Variants in SLC25A19 observed in about 807,000 individuals in gnomAD.
The protein encoded by SLC25A19 is solute carrier family 25 member 19.
In SLC25A19, 18 loss-of-function variants were observed where a neutral mutation model predicts 27.9. That is an observed-to-expected ratio of 0.64 (90% CI 0.45 to 0.96). The LOEUF is 0.96. Ranked by LOEUF, SLC25A19 falls within the 40% of genes least tolerant of loss-of-function variation. The pLI is 0.00. For missense variants in SLC25A19, 371 were observed against 418.3 expected (o/e 0.89, Z 0.99); for synonymous variants, 169 against 167.1 (o/e 1.01, Z -0.09).
At chr17:75,283,028 A>G (rs911528741) in intron 5 of SLC25A19, among the ~76,000 whole-genome samples, 1 of 149,060 alleles carries the variant, frequency 6.7e-6, no homozygotes, top group African/African-American at 2.5e-5. Context: ...GGCCGGGCGC[A>G]GTGGCTCATG....
At chr17:75,281,882 G>A (rs1211003048) in intron 5 of SLC25A19, among the ~76,000 whole-genome samples, 5 of 152,128 alleles carry the variant, frequency 3.3e-5, no homozygotes, top group South Asian at 2.1e-4. Context: ...AGAGCACCCC[G>A]CACAGTGCTG....
rs2077942802 is a variant in SLC25A19 at position 75,278,192 on chromosome 17, G to T, written c.603C>A (p.His201Gln). 6.2e-7 allele frequency: 1 copy of T among 1,613,866 alleles called. No homozygotes were observed. Among genetic ancestry groups the T allele is most frequent in the Non-Finnish European group, 8.5e-7 (1 of 1,180,040 alleles). ...LQFSCYSSLK[H>Q]LYKWAIPAEG... ...CGGCTGGTATGGCCCACTTGTACAGGTGCTTCAAGGAGCTGTAGCAAGAGA... is the reference window on the plus strand; with the variant it reads ...CGGCTGGTATGGCCCACTTGTACAGTTGCTTCAAGGAGCTGTAGCAAGAGA... The change falls in exon 6 of 8, where the codon CAC (histidine) becomes CAA (glutamine). Residue 201 changes from histidine to glutamine, a missense_variant. Transcript: ENST00000416858.
Position 75,273,073 on chromosome 17 carries a change from C to T in SLC25A19, c.*378G>A, listed in dbSNP as rs541911861. On this transcript the variant is annotated 3_prime_UTR_variant, in exon 8 of 8. Coordinates refer to ENST00000416858, the MANE Select transcript of SLC25A19 (RefSeq NM_001126121.2). ...GACCTGACTCCTGCAAAGGGCCTAC[C>T]GCAGCCCTCTGCACTCAAGCAGCAG... 2.9e-5 allele frequency: 10 copies of T among 344,916 alleles called. No homozygotes were observed. The highest frequency in any genetic ancestry group is 8.2e-5 in the Admixed American group (2 of 24,254). 21.4% of individuals were successfully genotyped at this position (344,916 alleles called of 1,614,324 possible). A position where few individuals can be genotyped will look rare whatever the true frequency, so the allele number is the denominator to read the frequency against.
intron 5 of SLC25A19, among the ~76,000 whole-genome samples, chr17:75,281,713 A>C (rs780151226): frequency 3.3e-4 from 50 of 151,302 alleles, no homozygotes; most frequent in Non-Finnish European, 6.0e-4. Flanking sequence ...AACCAACCAA[A>C]CAAACAAAAA....
chr17:75,278,378 T>C (rs1297614888), intron 5 of SLC25A19, 43 bp from the exon 6 acceptor site: 31 of 1,611,406 alleles, frequency 1.9e-5, no homozygotes, highest in Non-Finnish European at 2.5e-5. Context: ...GTGAAGTGGT[T>C]TTAGCCCTGG....
intron 4 of SLC25A19, among the ~76,000 whole-genome samples, chr17:75,284,920 C>T (rs145878613): frequency 0.014 from 2,163 of 150,884 alleles, 24 homozygotes; most frequent in Non-Finnish European, 0.024. Flanking sequence ...TGAGATTACA[C>T]ACATGAGCCA....
chr17:75,283,001 TA>T (rs1309302691), intron 5 of SLC25A19, among the ~76,000 whole-genome samples: 1 of 110,300 alleles, frequency 9.1e-6, no homozygotes, highest in Non-Finnish European at 1.9e-5. Flanking sequence ...AATAAATAAA[TA>T]AATAAATAAA....
chr17:75,276,855 T>C (rs1415715575), intron 7 of SLC25A19, among the ~76,000 whole-genome samples: 1 of 150,540 alleles, frequency 6.6e-6, no homozygotes. Context: ...TTTTGTTTTT[T>C]TTTTTTTTTA....
Position 75,273,127 on chromosome 17 carries a change from TCTC to T in SLC25A19, c.*321_*323del, listed in dbSNP as rs2077768348. ...CATCCAGACCAGGAGTGTGTTCTGT[TCTC>T]CTGGCAGGCAGGGCTGATAGGTGTA... On this transcript the variant is annotated 3_prime_UTR_variant, in exon 8 of 8. Coordinates refer to ENST00000416858, the MANE Select transcript of SLC25A19 (RefSeq NM_001126121.2). The T allele has an allele frequency of 5.0e-6, 2 of 397,458 alleles. No homozygotes were observed. The highest frequency in any genetic ancestry group is 1.1e-4 in the East Asian group (2 of 17,662). 24.6% of individuals were successfully genotyped at this position (397,458 alleles called of 1,614,324 possible).
In SLC25A19 at chr17:75,273,291, G is replaced by A. The variant is rs1455660314; in HGVS notation, c.*160C>T. 1 of 699,122 alleles carries A rather than the reference G, an allele frequency of 1.4e-6. No individual in the cohort carries two copies. Among genetic ancestry groups the A allele is most frequent in the Non-Finnish European group, 2.4e-6 (1 of 409,510 alleles). 43.3% of individuals were successfully genotyped at this position (699,122 alleles called of 1,614,324 possible). A position where few individuals can be genotyped will look rare whatever the true frequency, so the allele number is the denominator to read the frequency against. On this transcript the variant is annotated 3_prime_UTR_variant, in exon 8 of 8. Transcript: ENST00000416858. ...CTGATTCTCTCATGGGGAGAGCCCT[G>A]GACCTTCTGGTGGTGTCCCAGCTGG...
At chr17:75,278,660 C>T (rs1027464175) in intron 5 of SLC25A19, among the ~76,000 whole-genome samples, 3 of 152,136 alleles carry the variant, frequency 2.0e-5, no homozygotes, top group African/African-American at 4.8e-5. Context: ...GGGACACCAG[C>T]TCACGAGAGA....
intron 5 of SLC25A19, among the ~76,000 whole-genome samples, chr17:75,283,109 C>A (rs978612606): frequency 1.3e-5 from 2 of 150,742 alleles, no homozygotes; most frequent in African/African-American, 2.4e-5. Context: ...ACCATCCTGG[C>A]TAACATGGTG....
chr17:75,285,415 C>T (rs535512859), intron 4 of SLC25A19, among the ~76,000 whole-genome samples: 8 of 152,348 alleles, frequency 5.3e-5, no homozygotes, highest in South Asian at 2.1e-4. Flanking sequence ...GTCCAGCCCA[C>T]GCCTGGCTTC....
intron 5 of SLC25A19, among the ~76,000 whole-genome samples, chr17:75,279,506 C>CTTTT (rs35328245): frequency 5.3e-5 from 6 of 114,114 alleles, no homozygotes; most frequent in African/African-American, 9.5e-5. Flanking sequence ...ATGCTATTAT[C>CTTTT]TTTTTTTTTT....
intron 6 of SLC25A19, 114 bp from the exon 7 acceptor site, chr17:75,277,597 C>A: frequency 2.4e-6 from 3 of 1,251,748 alleles, no homozygotes; most frequent in Non-Finnish European, 3.5e-6. Context: ...CACAAGCGCA[C>A]TTCTATCTGA....
chr17:75,282,265 T>C (rs906997252), intron 5 of SLC25A19, among the ~76,000 whole-genome samples: 1 of 146,224 alleles, frequency 6.8e-6, no homozygotes, highest in Non-Finnish European at 1.5e-5. Context: ...AAAATATATA[T>C]ATAGGCCAGG....
chr17:75,280,949 CAA>C (rs557623020), intron 5 of SLC25A19, among the ~76,000 whole-genome samples: 16 of 87,838 alleles, frequency 1.8e-4, no homozygotes, highest in Non-Finnish European at 1.7e-4. Context: ...AAACAACAAC[CAA>C]AAAAAAAAAA....
intron 3 of SLC25A19, 35 bp downstream of exon 3, chr17:75,286,598 C>T: frequency 6.2e-7 from 1 of 1,614,112 alleles, no homozygotes; most frequent in Non-Finnish European, 8.5e-7. Flanking sequence ...TGAACTTGTC[C>T]TCCAGTCCAT....
intron 1 of SLC25A19, chr17:75,289,072 G>A (rs1389456237): frequency 6.6e-6 from 1 of 152,298 alleles, no homozygotes; most frequent in Non-Finnish European, 1.5e-5. Flanking sequence ...AATCTGCAGA[G>A]GTCCCCGTGT....
Sources: gnomAD v4.1 joint callset for allele counts (sites outside exome capture counted in the v4.1 genomes callset) on GRCh38, gnomAD v4.1.1 for gene constraint, MANE v1.5 for transcripts, NCBI Gene and HGNC (gene_info 2026-07-23, HGNC 2026-07-21) for gene names.